Variants in SLC22A13 observed in about 807,000 individuals in gnomAD.
SLC22A13 encodes the protein solute carrier family 22 member 13.
Under a neutral mutation model 49.1 loss-of-function variants are expected in SLC22A13, and 42 were observed. The observed-to-expected ratio is 0.85, with a 90% CI of 0.67 to 1.11. The LOEUF (loss-of-function observed/expected upper bound fraction) is 1.11. Ranked by LOEUF, SLC22A13 falls within the 50% of genes least tolerant of loss-of-function variation. SLC22A13 has a pLI of 0.00. For synonymous variants in SLC22A13, 282 were observed against 293.1 expected (o/e 0.96, Z 0.39); for missense variants, 694 against 712.8 (o/e 0.97, Z 0.30).
In SLC22A13 at chr3:38,266,201, A is replaced by T. The variant is rs1703463086; in HGVS notation, c.341A>T (p.Glu114Val). 6.2e-7 allele frequency: 1 copy of T among 1,614,050 alleles called. No homozygotes were observed. The stretch of plus-strand genomic sequence containing the variant: ...ACGCAGCCTTGTGATATGGGCTGGG[A>T]ATATCCTGAGAACAGGCTCCCATCC... The part of the protein sequence containing the change: ...NETQPCDMGW[E>V]YPENRLPSLK... Residue 114 changes from glutamate (E) to valine (V), a missense_variant, in exon 1 of 10, where the codon GAA becomes GTA. Physicochemically the swap from Glu to Val is moderately radical, Grantham distance 121 (BLOSUM62 -2). Coordinates refer to ENST00000311856, the MANE Select transcript of SLC22A13 (RefSeq NM_004256.4).
chr3:38,275,005 G>A lies in SLC22A13; in HGVS notation c.654G>A (p.Gly218=), dbSNP rs369695820. The A allele has an allele frequency of 2.9e-5, 47 of 1,614,062 alleles. No homozygotes were observed. Among genetic ancestry groups the A allele is most frequent in the Non-Finnish European group, 3.6e-5 (43 of 1,179,974 alleles). Residue 218 remains glycine (G), a synonymous_variant, in exon 4 of 10, where the codon GGG becomes GGA. Coordinates refer to ENST00000311856, the MANE Select transcript of SLC22A13 (RefSeq NM_004256.4). The part of the protein sequence containing the change: ...SNVTLLTEWV[G]PSWRTQAVVL... Reference sequence around the variant, plus strand: ...TTGCCACAGTGACAGAATGGGTGGGGCCCTCATGGAGGACGCAGGCCGTGG... The same window carrying A: ...TTGCCACAGTGACAGAATGGGTGGGACCCTCATGGAGGACGCAGGCCGTGG...
intron 1 of SLC22A13, among the ~76,000 whole-genome samples, chr3:38,269,868 TC>T (rs1703501595): frequency 2.1e-5 from 1 of 46,852 alleles, no homozygotes; most frequent in Non-Finnish European, 3.9e-5. Flanking sequence ...CCCTCCCCCC[TC>T]CCCCCACCCC....
At chr3:38,266,946 T>A (rs572279435) in intron 1 of SLC22A13, among the ~76,000 whole-genome samples, 3 of 152,146 alleles carry the variant, frequency 2.0e-5, no homozygotes, top group Non-Finnish European at 4.4e-5. Flanking sequence ...AGGCACAGAA[T>A]GAGGATATGG....
intron 9 of SLC22A13, 116 bp downstream of exon 9, chr3:38,277,243 G>C (rs1442668201): frequency 1.8e-6 from 2 of 1,104,598 alleles, no homozygotes; most frequent in African/African-American, 1.6e-5. Flanking sequence ...CTAATATGGG[G>C]TCCTCCAGAA....
chr3:38,274,566 G>A (rs1703555061), intron 2 of SLC22A13, 38 bp from the exon 3 acceptor site: 1 of 1,603,556 alleles, frequency 6.2e-7, no homozygotes, highest in Non-Finnish European at 8.5e-7. Context: ...ATGCCTTCCG[G>A]GAGGGACCCT....
At position 38,266,140 on chromosome 3, in the gene SLC22A13, A is replaced by G; in HGVS notation, c.280A>G (p.Ser94Gly). The change falls in exon 1 of 10, where the codon AGC becomes GGC. Residue 94 changes from serine (S) to glycine (G), a missense_variant. By Grantham distance (56) the Ser-to-Gly change is moderately conservative. Transcript: ENST00000311856. ...GTTCCGGCCACCCCCCGCCAATGCC[A>G]GCCTGCAGGACATCCTCAGCCACCG... is the stretch of plus-strand genomic sequence containing the variant. ...LMFRPPPANA[S>G]LQDILSHRFN... 1 of 1,614,158 alleles carries G rather than the reference A, an allele frequency of 6.2e-7. No homozygotes were observed. The highest frequency in any genetic ancestry group is 8.5e-7 in the Non-Finnish European group (1 of 1,180,016).
intron 1 of SLC22A13, chr3:38,270,897 TCTCA>T (rs1703513081): frequency 6.6e-6 from 1 of 152,342 alleles, no homozygotes; most frequent in African/African-American, 2.4e-5. Context: ...AACTTGGGCC[TCTCA>T]CTCTACCCTA....
chr3:38,274,630 C>T lies in SLC22A13; in HGVS notation c.509C>T (p.Ala170Val), dbSNP rs751044530. 1.8e-5 allele frequency: 29 copies of T among 1,613,828 alleles called. No homozygotes were observed. The South Asian group carries it at 2.5e-4, about 14-fold the overall frequency. The change falls in exon 3 of 10, where the codon GCG becomes GTG. Residue 170 changes from alanine (A) to valine (V), a missense_variant. Physicochemically the swap from Ala to Val is moderately conservative, Grantham distance 64. Transcript: ENST00000311856. ...DRIGRKATIL[A>V]QLLLFTLIGL... ...ATTGGCCGCAAGGCCACAATCCTGG[C>T]GCAGCTGCTCCTCTTCACCCTCATC...
chr3:38,270,446 A>G, intron 1 of SLC22A13: 1 of 217,244 alleles, frequency 4.6e-6, no homozygotes, highest in Non-Finnish European at 9.9e-6. Context: ...CAAGCAAGAA[A>G]GGAATCTTTG....
intron 1 of SLC22A13, among the ~76,000 whole-genome samples, chr3:38,273,395 C>T (rs1323806832): frequency 6.6e-6 from 1 of 152,176 alleles, no homozygotes; most frequent in East Asian, 1.9e-4. Flanking sequence ...CTCCCTCCCT[C>T]CCTCTGTGTG....
intron 9 of SLC22A13, 80 bp downstream of exon 9, chr3:38,277,207 A>C: frequency 8.4e-7 from 1 of 1,196,728 alleles, no homozygotes. Context: ...CCTCCACCTC[A>C]TCACTCGTCC....
intron 1 of SLC22A13, among the ~76,000 whole-genome samples, chr3:38,273,569 C>G (rs1450210073): frequency 6.6e-6 from 1 of 152,090 alleles, no homozygotes; most frequent in African/African-American, 2.4e-5. Flanking sequence ...CCAGGGGTGC[C>G]CTGGCTATGG....
intron 1 of SLC22A13, among the ~76,000 whole-genome samples, chr3:38,273,084 T>A (rs1703538549): frequency 2.0e-5 from 3 of 152,224 alleles, no homozygotes; most frequent in Non-Finnish European, 1.5e-5. Context: ...CAGTGGTTGC[T>A]GCTGGGAAGC....
rs149646211 is a variant in SLC22A13, at chr3:38,275,390, G to T, written c.827G>T (p.Arg276Leu). Residue 276 changes from arginine (R) to leucine (L), a missense_variant, in exon 5 of 10, where the codon CGT becomes CTT. Arg to Leu is a moderately radical substitution (Grantham distance 102). Coordinates refer to ENST00000311856, the MANE Select transcript of SLC22A13 (RefSeq NM_004256.4). The part of the protein sequence containing the change: ...FYFWALPESA[R>L]WLLTRGRMDE... Reference sequence around the variant, plus strand: ...CACAGGGCTCTGCCAGAATCTGCACGTTGGCTCCTGACCCGTGGGAGGATG... The same window carrying T: ...CACAGGGCTCTGCCAGAATCTGCACTTTGGCTCCTGACCCGTGGGAGGATG... 1.9e-5 allele frequency: 30 copies of T among 1,614,176 alleles called. No individual in the cohort carries two copies. The South Asian group carries it at 3.3e-4, about 18-fold the overall frequency.
At chr3:38,267,863 C>T (rs1441882213) in intron 1 of SLC22A13, among the ~76,000 whole-genome samples, 1 of 152,090 alleles carries the variant, frequency 6.6e-6, no homozygotes, top group Non-Finnish European at 1.5e-5. Context: ...AGGGGAAGGC[C>T]TCTGCAGGTG....
rs2125861681 is a variant in SLC22A13, at chr3:38,266,002, C to T, written c.142C>T (p.His48Tyr). Residue 48 changes from histidine (H) to tyrosine (Y), a missense_variant, in exon 1 of 10, where the codon CAC becomes TAC. Physicochemically the swap from His to Tyr is moderately conservative, Grantham distance 83. Transcript: ENST00000311856. Reference sequence around the variant, plus strand: ...TGTCTTCATGGTCCTAGATGAGCCCCACCACTGTGCAGTGGCTTGGGTGAA... The same window carrying T: ...TGTCTTCATGGTCCTAGATGAGCCCTACCACTGTGCAGTGGCTTGGGTGAA... ...AHVFMVLDEP[H>Y]HCAVAWVKNH... 2 of 1,614,194 alleles carry T rather than the reference C, an allele frequency of 1.2e-6. No individual in the cohort carries two copies. The highest frequency in any genetic ancestry group is 1.7e-6 in the Non-Finnish European group (2 of 1,180,048).
At chr3:38,274,933 G>A (rs569622178) in intron 3 of SLC22A13, 56 bp from the exon 4 acceptor site, 1 of 1,597,678 alleles carries the variant, frequency 6.3e-7, no homozygotes, top group Admixed American at 1.7e-5. Context: ...GCATCTAGGA[G>A]TAATGGGGAG....
At chr3:38,272,900 A>T (rs1703535986) in intron 1 of SLC22A13, among the ~76,000 whole-genome samples, 2 of 152,196 alleles carry the variant, frequency 1.3e-5, no homozygotes, top group African/African-American at 4.8e-5. Context: ...TTCCCTGTCT[A>T]GGGCAAGAGA....
In SLC22A13 at chr3:38,275,027, G is replaced by A. The variant is rs149694187; in HGVS notation, c.676G>A (p.Val226Met). 64 of 1,614,124 alleles carry A rather than the reference G, an allele frequency of 4.0e-5. No homozygotes were observed. The highest frequency in any genetic ancestry group is 6.7e-5 in the East Asian group (3 of 44,894). The change falls in exon 4 of 10, where the codon GTG becomes ATG. Residue 226 changes from valine (V) to methionine (M), a missense_variant. Physicochemically the swap from Val to Met is conservative, Grantham distance 21. Transcript: ENST00000311856. ...WVGPSWRTQA[V>M]VLAQCNFSLG... The stretch of plus-strand genomic sequence containing the variant: ...GGGGCCCTCATGGAGGACGCAGGCC[G>A]TGGTCCTGGCCCAGTGCAACTTCTC...
Sources: allele counts gnomAD v4.1 joint callset (sites outside exome capture counted in the v4.1 genomes callset), GRCh38; gene constraint gnomAD v4.1.1; transcripts MANE v1.5; gene names NCBI Gene and HGNC (gene_info 2026-07-23, HGNC 2026-07-21).